Variants in USO1 observed in about 807,000 individuals in gnomAD.
The protein encoded by USO1 is USO1 vesicle transport factor, also known as general vesicular transport factor p115.
USO1 carries 57 observed loss-of-function variants against 124.5 expected under a neutral mutation model. The observed-to-expected ratio is 0.46, with a 90% confidence interval of 0.37 to 0.57. USO1 has a LOEUF of 0.57. Among genes scored for constraint, USO1 ranks in the 20% least tolerant of loss-of-function variants. The pLI, the probability that USO1 is intolerant of heterozygous loss-of-function variation, is 0.00. For synonymous variants in USO1, 369 were observed against 362.8 expected (o/e 1.02, Z -0.19); for missense variants, 900 against 1,040.6 (o/e 0.86, Z 1.86).
chr4:75,739,894 G>A (rs1054633131), intron 1 of USO1, among the ~76,000 whole-genome samples: 2 of 152,104 alleles, frequency 1.3e-5, no homozygotes, highest in Non-Finnish European at 2.9e-5. Flanking sequence ...TAGACCCCGT[G>A]TAGTGTTGTC....
chr4:75,736,503 A>G (rs1456628436), intron 1 of USO1, among the ~76,000 whole-genome samples: 5 of 151,802 alleles, frequency 3.3e-5, no homozygotes, highest in African/African-American at 1.2e-4. Flanking sequence ...GGGTTTCACC[A>G]TGTTGCCCAG....
chr4:75,766,073 A>G (rs529222484), intron 4 of USO1, among the ~76,000 whole-genome samples: 3 of 152,312 alleles, frequency 2.0e-5, no homozygotes, highest in South Asian at 2.1e-4. Context: ...CTAACCTAAG[A>G]TATAAAACTT....
chr4:75,727,663 G>C (rs1720503204), intron 1 of USO1, among the ~76,000 whole-genome samples: 1 of 152,116 alleles, frequency 6.6e-6, no homozygotes, highest in Non-Finnish European at 1.5e-5. Context: ...AGTTACCAGA[G>C]CTTGGAACCC....
At chr4:75,784,485 A>T (rs1722305117) in intron 9 of USO1, among the ~76,000 whole-genome samples, 1 of 152,232 alleles carries the variant, frequency 6.6e-6, no homozygotes, top group Non-Finnish European at 1.5e-5. Context: ...TTAGGGTACT[A>T]TGTAAAGAAT....
At position 75,805,221 on chromosome 4, in the gene USO1, G is replaced by A. The variant is rs746522197; in HGVS notation, c.2207G>A (p.Arg736Gln). The A allele has an allele frequency of 2.7e-5, 44 of 1,613,016 alleles. No individual in the cohort carries two copies. In the East Asian group the frequency reaches 6.9e-4, roughly 25 times the overall value. ...GIQPEEIGRL[R>Q]EEIEELKRNQ... ...CAGCCAGAAGAAATTGGTAGATTGC[G>A]AGAAGAGATAGAAGAATTAAAACGT... The change falls in exon 19 of 24, where the codon CGA (arginine) becomes CAA (glutamine). Residue 736 changes from arginine (R) to glutamine (Q), a missense_variant. Arg to Gln is a conservative substitution (Grantham distance 43, BLOSUM62 1). Transcript: ENST00000514213.
At position 75,763,813 on chromosome 4, in the gene USO1, G is replaced by C. The variant is rs17000798; in HGVS notation, c.295+6240G>C. Among the ~76,000 whole-genome samples the C allele has an allele frequency of 4.4e-3, 672 of 152,182 alleles. 7 individuals are homozygous for C. The highest frequency in any genetic ancestry group is 0.015 in the African/African-American group (638 of 41,532). Reference sequence around the variant, plus strand: ...AGAGAAGATGGTTTACTTGTTTCATGCCTTTGCTTACACGTATAATTGGTA... The same window carrying C: ...AGAGAAGATGGTTTACTTGTTTCATCCCTTTGCTTACACGTATAATTGGTA... On this transcript the variant is annotated intron_variant, in intron 4 of 23. Transcript: ENST00000514213.
chr4:75,735,765 C>T (rs544795639), intron 1 of USO1, among the ~76,000 whole-genome samples: 2 of 152,268 alleles, frequency 1.3e-5, no homozygotes, highest in South Asian at 4.2e-4. Context: ...AAGTGATCCT[C>T]TCAAAGTGCT....
chr4:75,782,940 A>T, intron 9 of USO1, 82 bp downstream of exon 9: 1 of 1,443,254 alleles, frequency 6.9e-7, no homozygotes, highest in East Asian at 2.8e-5. Flanking sequence ...GTATTTGATA[A>T]ATCCAGAATA....
chr4:75,742,215 G>A lies in USO1; in HGVS notation c.67-10158G>A, dbSNP rs555663485. Among the ~76,000 whole-genome samples, 6 of 152,144 alleles carry A rather than the reference G, an allele frequency of 3.9e-5. No individual in the cohort carries two copies. The East Asian group carries it at 1.2e-3, about 29-fold the overall frequency. On this transcript the variant is annotated intron_variant, in intron 1 of 23. Transcript: ENST00000514213. ...ATTTGTTACTGTTATCAAGTATTATGTACTGTACACAATTGTCTGTGCCAT... is the reference window on the plus strand; with the variant it reads ...ATTTGTTACTGTTATCAAGTATTATATACTGTACACAATTGTCTGTGCCAT...
At chr4:75,731,171 A>G (rs1720620281) in intron 1 of USO1, among the ~76,000 whole-genome samples, 1 of 152,194 alleles carries the variant, frequency 6.6e-6, no homozygotes, top group Non-Finnish European at 1.5e-5. Flanking sequence ...ATGTTCCCAC[A>G]TCTCTTTTTA....
intron 21 of USO1, among the ~76,000 whole-genome samples, chr4:75,810,179 T>C (rs147417002): frequency 6.6e-6 from 1 of 152,334 alleles, no homozygotes; most frequent in East Asian, 1.9e-4. Context: ...GCTGATTACT[T>C]TTCTGGGCTT....
intron 8 of USO1, among the ~76,000 whole-genome samples, chr4:75,777,971 T>G (rs1722116383): frequency 6.6e-6 from 1 of 152,192 alleles, no homozygotes; most frequent in Non-Finnish European, 1.5e-5. Context: ...TAAACTGTAC[T>G]ACATCTATAC....
intron 13 of USO1, among the ~76,000 whole-genome samples, chr4:75,798,178 C>A (rs142095312): frequency 1.6e-4 from 24 of 151,750 alleles, no homozygotes; most frequent in African/African-American, 4.8e-4. Context: ...TCTTCTTATC[C>A]TTCAATTAGA....
chr4:75,797,096 C>T (rs1243699629), intron 13 of USO1, among the ~76,000 whole-genome samples: 1 of 152,028 alleles, frequency 6.6e-6, no homozygotes, highest in East Asian at 1.9e-4. Context: ...ATCGCTTGAG[C>T]TTTGGAGTTC....
At chr4:75,772,244 CA>C (rs1158637605) in intron 7 of USO1, among the ~76,000 whole-genome samples, 5 of 151,756 alleles carry the variant, frequency 3.3e-5, no homozygotes, top group African/African-American at 1.2e-4. Flanking sequence ...ACAAGAAGGA[CA>C]TTTTTTTTTG....
intron 1 of USO1, among the ~76,000 whole-genome samples, chr4:75,734,686 G>A (rs199730119): frequency 1.6e-4 from 21 of 129,848 alleles, no homozygotes; most frequent in Admixed American, 6.4e-4. Context: ...TAGGAATAGC[G>A]TTGAATCTGT....
intron 8 of USO1, among the ~76,000 whole-genome samples, chr4:75,777,604 A>AT (rs1300240823): frequency 6.6e-6 from 1 of 152,210 alleles, no homozygotes; most frequent in East Asian, 1.9e-4. Context: ...TCAACATTAT[A>AT]TATCACTAGG....
intron 7 of USO1, among the ~76,000 whole-genome samples, chr4:75,772,653 A>G (rs1027726371): frequency 1.3e-5 from 2 of 152,220 alleles, no homozygotes; most frequent in African/African-American, 2.4e-5. Flanking sequence ...AAATATGACT[A>G]TGTATCTTTA....
intron 1 of USO1, among the ~76,000 whole-genome samples, chr4:75,726,003 C>T (rs867432495): frequency 4.6e-5 from 7 of 152,082 alleles, no homozygotes; most frequent in Non-Finnish European, 8.8e-5. Context: ...TGAAGTAGGC[C>T]GGACGCGGTG....
Sources: gnomAD v4.1 joint callset for allele counts (sites outside exome capture counted in the v4.1 genomes callset) on GRCh38, gnomAD v4.1.1 for gene constraint, MANE v1.5 for transcripts, NCBI Gene and HGNC (gene_info 2026-07-23, HGNC 2026-07-21) for gene names.